Variants in PARD3B observed in about 807,000 individuals in gnomAD.
PARD3B encodes the protein par-3 family cell polarity regulator beta.
A neutral mutation model predicts 130.2 loss-of-function variants in PARD3B; 103 were observed. That is an observed-to-expected ratio of 0.79 (90% CI 0.67 to 0.93). The LOEUF is 0.93. PARD3B is among the 40% of genes least tolerant of loss of function. The pLI is 0.00. For missense variants in PARD3B, 1,609 were observed against 1,499.2 expected (o/e 1.07, Z -1.21); for synonymous variants, 583 against 553.2 (o/e 1.05, Z -0.76).
intron 3 of PARD3B, among the ~76,000 whole-genome samples, chr2:204,990,339 T>C (rs1161597338): frequency 1.3e-5 from 2 of 152,236 alleles, no homozygotes; most frequent in South Asian, 2.1e-4. Flanking sequence ...CAATGCATAA[T>C]GATCACTTCA....
chr2:205,468,312 T>C (rs2048703989), intron 20 of PARD3B, among the ~76,000 whole-genome samples: 3 of 152,204 alleles, frequency 2.0e-5, no homozygotes, highest in Admixed American at 2.0e-4. Context: ...CCAATAGATA[T>C]TTCACTATTG....
chr2:204,927,248 A>G (rs947941628), intron 2 of PARD3B, among the ~76,000 whole-genome samples: 1 of 152,094 alleles, frequency 6.6e-6, no homozygotes, highest in African/African-American at 2.4e-5. Flanking sequence ...CTAAGGTGTT[A>G]GTATTAAGAG....
chr2:205,063,792 A>T lies in PARD3B; in HGVS notation c.504+16102A>T, dbSNP rs571851211. 3.9e-5 allele frequency among the ~76,000 whole-genome samples: 6 copies of T among 152,332 alleles called. No homozygotes were observed. In the East Asian group the frequency reaches 1.2e-3, roughly 29 times the overall value. On this transcript the variant is annotated intron_variant, in intron 4 of 22. Transcript: ENST00000406610. The stretch of plus-strand genomic sequence containing the variant: ...AAATGTACATATCTTGGATAAGGGA[A>T]TAGAACATATAAGAGATGTCAAGAA...
Position 204,774,952 on chromosome 2 carries a change from A to G in PARD3B, c.222+88670A>G, listed in dbSNP as rs553039270. 2.5e-4 allele frequency among the ~76,000 whole-genome samples: 38 copies of G among 152,258 alleles called. No individual in the cohort carries two copies. The South Asian group carries it at 7.7e-3, about 31-fold the overall frequency. On this transcript the variant is annotated intron_variant, in intron 2 of 22. Transcript: ENST00000406610. ...CACAGATCAGCAACTCTTTCCGCTT[A>G]TGACAGTATTTTGGGAAGAAATATT...
intron 2 of PARD3B, among the ~76,000 whole-genome samples, chr2:204,886,508 T>C (rs2046275474): frequency 6.6e-6 from 1 of 152,244 alleles, no homozygotes; most frequent in African/African-American, 2.4e-5. Flanking sequence ...CTTTAGTCTA[T>C]GTACTTTTAT....
At chr2:205,391,332 C>T (rs1268904016) in intron 18 of PARD3B, among the ~76,000 whole-genome samples, 1 of 152,196 alleles carries the variant, frequency 6.6e-6, no homozygotes, top group East Asian at 1.9e-4. Context: ...CTGTTTAAGG[C>T]AGTGTTAGGG....
intron 2 of PARD3B, among the ~76,000 whole-genome samples, chr2:204,739,519 A>G (rs2039905205): frequency 6.6e-6 from 1 of 152,084 alleles, no homozygotes; most frequent in South Asian, 2.1e-4. Flanking sequence ...CAGTGGTACA[A>G]TCATAGCTCA....
chr2:204,969,556 A>G (rs1418363028), intron 3 of PARD3B, among the ~76,000 whole-genome samples: 1 of 152,200 alleles, frequency 6.6e-6, no homozygotes, highest in Non-Finnish European at 1.5e-5. Flanking sequence ...TAGGTAATCG[A>G]TATTATTTTA....
intron 19 of PARD3B, among the ~76,000 whole-genome samples, chr2:205,406,344 G>A (rs1405817270): frequency 6.6e-6 from 1 of 152,082 alleles, no homozygotes; most frequent in Admixed American, 6.6e-5. Flanking sequence ...TTTTAAGAGA[G>A]GTAGTATTCA....
At chr2:205,144,499 T>C (rs761900041) in intron 10 of PARD3B, among the ~76,000 whole-genome samples, 1 of 152,212 alleles carries the variant, frequency 6.6e-6, no homozygotes. Context: ...AGTATGATGA[T>C]AGGAAGATAT....
intron 2 of PARD3B, among the ~76,000 whole-genome samples, chr2:204,790,380 T>A (rs939587854): frequency 1.3e-5 from 2 of 152,242 alleles, no homozygotes; most frequent in African/African-American, 4.8e-5. Flanking sequence ...CAATTGAAGT[T>A]AGTTAACTCA....
Position 205,301,052 on chromosome 2 carries a change from T to A in PARD3B, c.2392+316T>A, listed in dbSNP as rs549145578. On this transcript the variant is annotated intron_variant, in intron 17 of 22. Transcript: ENST00000406610. This position sits in a 1 kb window ranked among gnomAD's most constrained non-coding sequence, Gnocchi z 5.2. ...GCATTTCTTGACATTCTCATTCGAGTCATTAGAGGCAGCATCAATCCAAGG... is the reference window on the plus strand; with the variant it reads ...GCATTTCTTGACATTCTCATTCGAGACATTAGAGGCAGCATCAATCCAAGG... Among the ~76,000 whole-genome samples, 65 of 152,280 alleles carry A rather than the reference T, an allele frequency of 4.3e-4. No individual in the cohort carries two copies. The highest frequency in any genetic ancestry group is 3.7e-3 in the South Asian group (18 of 4,824).
In PARD3B at chr2:205,550,970, TATATATACAC is replaced by T. The variant is rs1468325449; in HGVS notation, c.3181-2352_3181-2343del. On this transcript the variant is annotated intron_variant, in intron 21 of 22. Transcript: ENST00000406610. This position sits in a 1 kb window ranked among gnomAD's most constrained non-coding sequence, Gnocchi z 4.5. ...ATATATATGTGTATATATATATATA[TATATATACAC>T]ACACACACACACACACACACACATA... 4.4e-4 allele frequency among the ~76,000 whole-genome samples: 46 copies of T among 104,892 alleles called. No individual in the cohort carries two copies. The highest frequency in any genetic ancestry group is 1.2e-3 in the African/African-American group (37 of 30,812). The allele number at this position is 104,892 out of a possible 152,430, so 68.8% of individuals were successfully genotyped here.
At position 204,673,439 on chromosome 2, in the gene PARD3B, T is replaced by C. The variant is rs1200919274; in HGVS notation, c.121-12742T>C. ...GTTACTACCACTTGGTGTTTTTGCA[T>C]CTCCACCAAGTTTATTCAACCTGAC... On this transcript the variant is annotated intron_variant, in intron 1 of 22. Coordinates refer to ENST00000406610, the MANE Select transcript of PARD3B (RefSeq NM_001302769.2). This position sits in a 1 kb window ranked among gnomAD's most constrained non-coding sequence, Gnocchi z 4.7. 6.6e-6 allele frequency among the ~76,000 whole-genome samples: 1 copy of C among 152,178 alleles called. No individual in the cohort carries two copies. The highest frequency in any genetic ancestry group is 1.5e-5 in the Non-Finnish European group (1 of 68,020).
At chr2:205,036,419 A>G (rs965141210) in intron 3 of PARD3B, among the ~76,000 whole-genome samples, 1 of 147,862 alleles carries the variant, frequency 6.8e-6, no homozygotes, top group Non-Finnish European at 1.5e-5. Flanking sequence ...CAGACTATAT[A>G]TAAAAATATA....
Position 204,645,124 on chromosome 2 carries a change from G to A in PARD3B, c.121-41057G>A, listed in dbSNP as rs144073264. ...TGTAAATGGAGAAAAGTCATTCTGTGTGTATTTGACAGTCACCCATATCCT... is the reference window on the plus strand; with the variant it reads ...TGTAAATGGAGAAAAGTCATTCTGTATGTATTTGACAGTCACCCATATCCT... On this transcript the variant is annotated intron_variant, in intron 1 of 22. Transcript: ENST00000406610. Among the ~76,000 whole-genome samples, 523 of 152,228 alleles carry A rather than the reference G, an allele frequency of 3.4e-3. 3 individuals carry two copies. Among genetic ancestry groups the A allele is most frequent in the African/African-American group, 0.012 (493 of 41,554 alleles).
At chr2:204,748,732 G>A (rs2040346476) in intron 2 of PARD3B, among the ~76,000 whole-genome samples, 1 of 152,044 alleles carries the variant, frequency 6.6e-6, no homozygotes, top group South Asian at 2.1e-4. Flanking sequence ...ATGGCTGCTG[G>A]TCAGAATGCA....
chr2:205,467,094 A>G (rs1488194310), intron 20 of PARD3B, among the ~76,000 whole-genome samples: 3 of 152,244 alleles, frequency 2.0e-5, no homozygotes, highest in Non-Finnish European at 4.4e-5. Context: ...TGCATCATAA[A>G]CAAGCACAAA....
Position 204,546,010 on chromosome 2 carries a change from C to T in PARD3B, c.11C>T (p.Thr4Ile), listed in dbSNP as rs1294661452. 6.4e-6 allele frequency: 10 copies of T among 1,567,542 alleles called. No homozygotes were observed. In the East Asian group the frequency reaches 1.9e-4, roughly 30 times the overall value. MKVTVCFGRTGIVV... is the reference protein window; with the variant it reads MKVIVCFGRTGIVV... ...TCGCCGGGGGCCAGGATGAAAGTGA[C>T]CGTGTGCTTCGGCAGGACGGGCATC... is the stretch of plus-strand genomic sequence containing the variant. The change falls in exon 1 of 23, where the codon ACC becomes ATC. Residue 4 changes from threonine to isoleucine, a missense_variant. Thr to Ile is a moderately conservative substitution (Grantham distance 89). Coordinates refer to ENST00000406610, the MANE Select transcript of PARD3B (RefSeq NM_001302769.2).
Sources: allele counts gnomAD v4.1 joint callset (sites outside exome capture counted in the v4.1 genomes callset), GRCh38; gene constraint gnomAD v4.1.1; non-coding constraint Gnocchi (gnomAD v3.1); transcripts MANE v1.5; gene names NCBI Gene and HGNC (gene_info 2026-07-23, HGNC 2026-07-21).